The following DLC1 variants were observed in gnomAD, a reference collection of about 807,000 sequenced individuals.
DLC1 encodes rho GTPase-activating protein 7.
A neutral mutation model predicts 140.3 loss-of-function variants in DLC1; 54 were observed. The observed-to-expected ratio is 0.38, with a 90% confidence interval of 0.31 to 0.48. The LOEUF (loss-of-function observed/expected upper bound fraction) is 0.48, where lower values mean the gene tolerates loss of function less well. Ranked by LOEUF, DLC1 falls within the 20% of genes least tolerant of loss-of-function variation. The pLI is 0.96. For missense variants in DLC1, 2,536 were observed against 1,907.0 expected, an observed-to-expected ratio of 1.33 and a Z score of -6.14; for synonymous variants, 986 against 728.1, an observed-to-expected ratio of 1.35 and a Z score of -5.70.
intron 2 of DLC1, among the ~76,000 whole-genome samples, chr8:13,463,608 A>C (rs1185305534): frequency 6.6e-6 from 1 of 152,240 alleles, no homozygotes; most frequent in East Asian, 1.9e-4. Flanking sequence ...AATAGACACA[A>C]GAATTCTTTT....
intron 1 of DLC1, among the ~76,000 whole-genome samples, chr8:13,599,604 A>G (rs1805803548): frequency 6.6e-6 from 1 of 152,034 alleles, no homozygotes; most frequent in South Asian, 2.1e-4. Context: ...CGGAAGTTGA[A>G]GAAGTCATTT....
At position 13,273,686 on chromosome 8, in the gene DLC1, CTGTGTGTGTGTGTGTGTG is replaced by C. The variant is rs59265902; in HGVS notation, c.1348+31565_1348+31582del. 3.5e-4 allele frequency among the ~76,000 whole-genome samples: 22 copies of C among 62,548 alleles called. 1 individual carries two copies. The highest frequency in any genetic ancestry group is 1.1e-3 in the Admixed American group (6 of 5,316). 41.0% of individuals were successfully genotyped at this position (62,548 alleles called of 152,430 possible). On this transcript the variant is annotated intron_variant, in intron 5 of 17. Transcript: ENST00000276297. ...ATCATTTGGGATAGCAGAACTGTGC[CTGTGTGTGTGTGTGTGTG>C]TGTGTGTGTGTGTGTGTGTGTGTGT... is the stretch of plus-strand genomic sequence containing the variant.
chr8:13,303,933 C>T (rs538584903), intron 5 of DLC1, among the ~76,000 whole-genome samples: 5 of 152,210 alleles, frequency 3.3e-5, no homozygotes, highest in African/African-American at 9.6e-5. Context: ...TTCCTGTCTC[C>T]GCCAGCCATG....
chr8:13,116,692 C>A (rs1014176630), intron 5 of DLC1, among the ~76,000 whole-genome samples: 1 of 152,172 alleles, frequency 6.6e-6, no homozygotes, highest in African/African-American at 2.4e-5. Flanking sequence ...CCTATTATTT[C>A]CTGAGTTCCT....
At chr8:13,249,475 A>G (rs576045203) in intron 5 of DLC1, among the ~76,000 whole-genome samples, 2 of 152,168 alleles carry the variant, frequency 1.3e-5, no homozygotes, top group East Asian at 1.9e-4. Context: ...ACTCCTTGTC[A>G]TGGTACCCAC....
chr8:13,251,795 T>C (rs973905110), intron 5 of DLC1, among the ~76,000 whole-genome samples: 8 of 152,198 alleles, frequency 5.3e-5, no homozygotes, highest in Non-Finnish European at 1.0e-4. Context: ...TGTTTGAAAG[T>C]ATTCCATGAG....
At chr8:13,418,554 G>C (rs1334958907) in intron 2 of DLC1, among the ~76,000 whole-genome samples, 2 of 152,130 alleles carry the variant, frequency 1.3e-5, no homozygotes, top group Admixed American at 6.5e-5. Context: ...TGAGGGCTCT[G>C]TTGTGTTCCA....
At chr8:13,092,952 G>A (rs1818202727) in intron 12 of DLC1, 127 bp from the exon 13 acceptor site, 1 of 1,004,704 alleles carries the variant, frequency 1.0e-6, no homozygotes, top group Non-Finnish European at 1.5e-6. Flanking sequence ...TGTAGAAAGT[G>A]CACTAGAGGT....
intron 4 of DLC1, among the ~76,000 whole-genome samples, chr8:13,392,404 A>G (rs932776173): frequency 6.6e-6 from 1 of 152,218 alleles, no homozygotes; most frequent in Non-Finnish European, 1.5e-5. Context: ...CATAATTTCC[A>G]TGTAAATATT....
At chr8:13,467,606 C>T (rs1799999673) in intron 2 of DLC1, among the ~76,000 whole-genome samples, 1 of 152,064 alleles carries the variant, frequency 6.6e-6, no homozygotes. Flanking sequence ...TGGTACGTGC[C>T]TATGGTCCCA....
At chr8:13,567,745 C>T in intron 1 of DLC1, 1 of 1,552,054 alleles carries the variant, frequency 6.4e-7, no homozygotes, top group Non-Finnish European at 8.7e-7. Context: ...TCAAGACTTT[C>T]CCAGGCTTTC....
At position 13,092,773 on chromosome 8, in the gene DLC1, C is replaced by T; in HGVS notation, c.3579G>A (p.Leu1193=). The change falls in exon 13 of 18, where the codon CTG becomes CTA. Residue 1193 remains leucine, a synonymous_variant. Coordinates refer to ENST00000276297, the MANE Select transcript of DLC1 (RefSeq NM_182643.3). ...GCAGAACCTCCCGGTTCTCGTCAGG[C>T]AGCAGCATGATGGCAGCCTTGATGG... The part of the protein sequence containing the change: ...LQAIKAAIML[L]PDENREVLQT... The T allele has an allele frequency of 6.2e-7, 1 of 1,614,112 alleles. No individual in the cohort carries two copies. Among genetic ancestry groups the T allele is most frequent in the South Asian group, 1.1e-5 (1 of 91,046 alleles).
chr8:13,163,767 G>C (rs1209809594), intron 5 of DLC1, among the ~76,000 whole-genome samples: 1 of 152,000 alleles, frequency 6.6e-6, no homozygotes, highest in Non-Finnish European at 1.5e-5. Flanking sequence ...GATAGCTTGA[G>C]ACCAGTCTGG....
intron 5 of DLC1, among the ~76,000 whole-genome samples, chr8:13,203,289 CGTTTAT>C (rs1827494366): frequency 6.6e-6 from 1 of 152,036 alleles, no homozygotes; most frequent in Non-Finnish European, 1.5e-5. Context: ...TTTTAACAAA[CGTTTAT>C]TTGAATGATT....
intron 4 of DLC1, among the ~76,000 whole-genome samples, chr8:13,319,217 G>A (rs532592731): frequency 6.6e-6 from 1 of 152,320 alleles, no homozygotes; most frequent in East Asian, 1.9e-4. Flanking sequence ...AAAAGTGAAA[G>A]TAACTTATTG....
chr8:13,329,563 T>C (rs1833502949), intron 4 of DLC1, among the ~76,000 whole-genome samples: 2 of 152,342 alleles, frequency 1.3e-5, no homozygotes, highest in Admixed American at 1.3e-4. Context: ...AAATGACTTC[T>C]AGAAATATTG....
chr8:13,152,415 T>C (rs768616206), intron 5 of DLC1, among the ~76,000 whole-genome samples: 6 of 152,198 alleles, frequency 3.9e-5, no homozygotes, highest in Non-Finnish European at 8.8e-5. Flanking sequence ...ATAATGTCAA[T>C]GGTATCTCAA....
rs903905687 is a variant in DLC1, at chr8:13,275,693, T to C, written c.1348+29576A>G. On this transcript the variant is annotated intron_variant, in intron 5 of 17. Transcript: ENST00000276297. ...GAATTGCACCACTGTATTTGCTTTATTATATTTCAAACGCCTGCCTCTGGC... is the reference window on the plus strand; with the variant it reads ...GAATTGCACCACTGTATTTGCTTTACTATATTTCAAACGCCTGCCTCTGGC... Among the ~76,000 whole-genome samples the C allele has an allele frequency of 2.6e-5, 4 of 152,350 alleles. No individual in the cohort carries two copies. In the South Asian group the frequency reaches 6.2e-4, roughly 24 times the overall value.
At chr8:13,122,663 G>C (rs138834675) in intron 5 of DLC1, among the ~76,000 whole-genome samples, 1 of 152,048 alleles carries the variant, frequency 6.6e-6, no homozygotes, top group Non-Finnish European at 1.5e-5. Flanking sequence ...GTAAGGTTAA[G>C]ACAGACAGCA....
Sources: allele counts gnomAD v4.1 joint callset (sites outside exome capture counted in the v4.1 genomes callset), GRCh38; gene constraint gnomAD v4.1.1; transcripts MANE v1.5; gene names NCBI Gene and HGNC (gene_info 2026-07-23, HGNC 2026-07-21).